AMBRA1: variants seen among roughly 807,000 people sequenced by gnomAD.
AMBRA1 encodes activating molecule in BECN1-regulated autophagy protein 1.
Under a neutral mutation model 125.4 loss-of-function variants are expected in AMBRA1, and 47 were observed. That is an observed-to-expected ratio of 0.37 (90% confidence interval 0.30 to 0.48). AMBRA1 has a LOEUF of 0.48. Among genes scored for constraint, AMBRA1 ranks in the 20% least tolerant of loss-of-function variants. AMBRA1 has a pLI of 0.99. For missense variants in AMBRA1, 1,331 were observed against 1,693.4 expected (o/e 0.79, Z 3.76); for synonymous variants, 626 against 655.5 (o/e 0.95, Z 0.69).
At chr11:46,499,834 T>C (rs1950767696) in intron 9 of AMBRA1, among the ~76,000 whole-genome samples, 2 of 152,102 alleles carry the variant, frequency 1.3e-5, no homozygotes, top group African/African-American at 4.8e-5. Flanking sequence ...TTTTATATTT[T>C]TAGACAGATG....
At chr11:46,447,238 C>T (rs1446295354) in intron 11 of AMBRA1, among the ~76,000 whole-genome samples, 4 of 149,416 alleles carry the variant, frequency 2.7e-5, no homozygotes, top group Non-Finnish European at 5.9e-5. Context: ...AGACTCTTAT[C>T]GCAAAAAAAA....
chr11:46,410,807 A>C (rs1490033828), intron 15 of AMBRA1, among the ~76,000 whole-genome samples: 2 of 152,218 alleles, frequency 1.3e-5, no homozygotes, highest in East Asian at 3.8e-4. Context: ...TAGTCTTGAA[A>C]AGCAGAGGCC....
chr11:46,559,390 T>C (rs1003165788), intron 1 of AMBRA1, among the ~76,000 whole-genome samples: 10 of 152,210 alleles, frequency 6.6e-5, no homozygotes, highest in African/African-American at 2.4e-4. Flanking sequence ...GCACATGTCA[T>C]TGATCACGAG....
At chr11:46,414,401 G>A (rs1208236210) in intron 15 of AMBRA1, among the ~76,000 whole-genome samples, 4 of 152,188 alleles carry the variant, frequency 2.6e-5, no homozygotes, top group Non-Finnish European at 5.9e-5. Context: ...TTACAGAAGG[G>A]ACAGAGCTGG....
At position 46,585,213 on chromosome 11, in the gene AMBRA1, C is replaced by T. The variant is rs994010470; in HGVS notation, c.-121+8615G>A. Among the ~76,000 whole-genome samples the T allele has an allele frequency of 2.0e-5, 3 of 152,174 alleles. No homozygotes were observed. In the East Asian group the frequency reaches 5.8e-4, roughly 29 times the overall value. ...CAAGTATCCAGGGACACAAACACTG[C>T]GGAAGGCCGCAGGGTCCTCTGCCTA... On this transcript the variant is annotated intron_variant, in intron 1 of 17. Coordinates refer to ENST00000683756, the MANE Select transcript of AMBRA1 (RefSeq NM_001387011.1).
Position 46,397,610 on chromosome 11 carries a change from G to C in AMBRA1, c.3737C>G (p.Pro1246Arg), listed in dbSNP as rs779296190. Residue 1246 changes from proline to arginine, a missense_variant, in exon 18 of 18, where the codon CCA (proline) becomes CGA (arginine). By Grantham distance (103) the Pro-to-Arg change is moderately radical. Transcript: ENST00000683756. ...PGTPGREPTQ[P>R]TLPSSSPVPI... Reference sequence around the variant, plus strand: ...GACAGGGGAGGAAGAGGGCAGGGTTGGCTGGGTTGGCTCCCGCCCAGGGGT... The same window carrying C: ...GACAGGGGAGGAAGAGGGCAGGGTTCGCTGGGTTGGCTCCCGCCCAGGGGT... 1 of 1,609,718 alleles carries C rather than the reference G, an allele frequency of 6.2e-7. No homozygotes were observed. Among genetic ancestry groups the C allele is most frequent in the Admixed American group, 1.7e-5 (1 of 59,766 alleles).
intron 1 of AMBRA1, among the ~76,000 whole-genome samples, chr11:46,590,262 C>T (rs865804678): frequency 3.9e-5 from 6 of 151,914 alleles, no homozygotes; most frequent in South Asian, 4.2e-4. Context: ...TCCACTTGAA[C>T]CCAGGAGGCA....
intron 11 of AMBRA1, among the ~76,000 whole-genome samples, chr11:46,487,376 A>T (rs900225831): frequency 2.0e-5 from 3 of 152,236 alleles, no homozygotes; most frequent in African/African-American, 7.2e-5. Context: ...AATTTTATTA[A>T]CAAGTTAATA....
At chr11:46,402,955 G>A (rs1230429274) in intron 17 of AMBRA1, among the ~76,000 whole-genome samples, 1 of 152,148 alleles carries the variant, frequency 6.6e-6, no homozygotes, top group African/African-American at 2.4e-5. Flanking sequence ...CATTCTTCAA[G>A]AGAAAAAATA....
intron 14 of AMBRA1, among the ~76,000 whole-genome samples, chr11:46,418,275 G>A (rs1291110238): frequency 3.8e-5 from 5 of 133,070 alleles, no homozygotes; most frequent in South Asian, 4.6e-4. Context: ...TATATAATAT[G>A]TTTTATTATT....
Position 46,494,198 on chromosome 11 carries a change from A to G in AMBRA1, c.2346T>C (p.Asn782=), listed in dbSNP as rs778837759. The change falls in exon 10 of 18, where the codon AAT becomes AAC. Residue 782 remains asparagine, a synonymous_variant. Coordinates refer to ENST00000683756, the MANE Select transcript of AMBRA1 (RefSeq NM_001387011.1). ...GAGCTCGGTGCCTGGATCTGTCACCATTGTCCCTGAAAAAAATAAAAACAC... is the reference window on the plus strand; with the variant it reads ...GAGCTCGGTGCCTGGATCTGTCACCGTTGTCCCTGAAAAAAATAAAAACAC... The part of the protein sequence containing the change: ...TDLEFEDFED[N]GDRSRHRAPR... The G allele has an allele frequency of 1.2e-5, 19 of 1,599,962 alleles. No homozygotes were observed. The South Asian group carries it at 2.0e-4, about 17-fold the overall frequency.
In AMBRA1 at chr11:46,434,843, C is replaced by T. The variant is rs772920064; in HGVS notation, c.2821+6G>A. 1 of 1,588,532 alleles carries T rather than the reference C, an allele frequency of 6.3e-7. No individual in the cohort carries two copies. The highest frequency in any genetic ancestry group is 1.8e-5 in the Admixed American group (1 of 55,724). On this transcript the variant is annotated splice_donor_region_variant and intron_variant, in intron 13 of 17. Transcript: ENST00000683756. ...CTGTCATTAGGTTGGGCTTCCTATC[C>T]CTTACCAAATCGCTTGGTGTAGAGC...
chr11:46,434,592 A>C (rs1393049015), intron 13 of AMBRA1, among the ~76,000 whole-genome samples: 1 of 152,172 alleles, frequency 6.6e-6, no homozygotes, highest in African/African-American at 2.4e-5. Context: ...CTTGCAGTGC[A>C]TGTGTGTGCT....
At chr11:46,477,100 CAAAAAAA>C (rs966567377) in intron 11 of AMBRA1, among the ~76,000 whole-genome samples, 1 of 72,074 alleles carries the variant, frequency 1.4e-5, no homozygotes, top group Middle Eastern at 8.9e-3. Context: ...AAGACTGTCT[CAAAAAAA>C]AAAAAAAAAA....
chr11:46,415,679 C>T (rs1188653457), intron 15 of AMBRA1, among the ~76,000 whole-genome samples: 1 of 152,170 alleles, frequency 6.6e-6, no homozygotes, highest in African/African-American at 2.4e-5. Flanking sequence ...GAAACAGCAA[C>T]CAAAAAAGAT....
intron 14 of AMBRA1, chr11:46,428,584 TTCTTCTTC>T: frequency 1.6e-6 from 2 of 1,215,276 alleles, no homozygotes; most frequent in Non-Finnish European, 2.3e-6. Flanking sequence ...CTTCTTCTTC[TTCTTCTTC>T]TTTTTTTTTT....
intron 7 of AMBRA1, among the ~76,000 whole-genome samples, chr11:46,516,393 C>G (rs1442558309): frequency 1.3e-5 from 2 of 148,756 alleles, no homozygotes; most frequent in African/African-American, 5.0e-5. Context: ...TGTTTACCAC[C>G]ATTGCTAGGA....
intron 11 of AMBRA1, among the ~76,000 whole-genome samples, chr11:46,486,614 G>A (rs947699682): frequency 1.3e-5 from 2 of 152,136 alleles, no homozygotes; most frequent in Non-Finnish European, 2.9e-5. Flanking sequence ...TTTTAAAAGA[G>A]ACAAGAGGAG....
At chr11:46,537,022 T>C (rs1016757860) in intron 7 of AMBRA1, among the ~76,000 whole-genome samples, 8 of 152,246 alleles carry the variant, frequency 5.3e-5, no homozygotes, top group African/African-American at 1.9e-4. Flanking sequence ...GACCAATTTT[T>C]ATCTCTCTCA....
Sources: allele counts gnomAD v4.1 joint callset (sites outside exome capture counted in the v4.1 genomes callset), GRCh38; gene constraint gnomAD v4.1.1; transcripts MANE v1.5; gene names NCBI Gene and HGNC (gene_info 2026-07-23, HGNC 2026-07-21).